Variants in GAREM1 observed in about 807,000 individuals in gnomAD.
GAREM1 encodes the protein GRB2 associated regulator of MAPK1 subtype 1, also known as GRB2-associated and regulator of MAPK protein 1.
In GAREM1, 26 loss-of-function variants were observed where a neutral mutation model predicts 71.3. That is an observed-to-expected ratio of 0.36 (90% CI 0.27 to 0.51). The LOEUF (loss-of-function observed/expected upper bound fraction) is 0.51. GAREM1 is among the 20% of genes least tolerant of loss of function. The probability of loss-of-function intolerance (pLI) is 0.95; values close to 1 mark genes in which losing one functional copy is unlikely to be tolerated. For missense variants in GAREM1, 1,026 were observed against 1,103.1 expected (o/e 0.93, Z 0.99); for synonymous variants, 440 against 433.2 (o/e 1.02, Z -0.20).
chr18:32,439,341 TA>T (rs1339565944), intron 1 of GAREM1, among the ~76,000 whole-genome samples: 1 of 152,128 alleles, frequency 6.6e-6, no homozygotes, highest in Non-Finnish European at 1.5e-5. Context: ...TAGGTGACAA[TA>T]AAAGCCTTGG....
intron 1 of GAREM1, among the ~76,000 whole-genome samples, chr18:32,463,116 T>C (rs2048967350): frequency 6.6e-6 from 1 of 152,102 alleles, no homozygotes; most frequent in Non-Finnish European, 1.5e-5. Context: ...TTTGAGGTGA[T>C]GGATATGCTA....
chr18:32,364,009 TATATATATATATATATA>T (rs2047896450), intron 2 of GAREM1, among the ~76,000 whole-genome samples: 4 of 50,534 alleles, frequency 7.9e-5, no homozygotes, highest in South Asian at 6.8e-4. Context: ...TATATATATA[TATATATATATATATATA>T]TGTTTTTTTT....
chr18:32,446,342 A>G (rs1274271680), intron 1 of GAREM1, among the ~76,000 whole-genome samples: 3 of 152,038 alleles, frequency 2.0e-5, no homozygotes, highest in African/African-American at 7.2e-5. Flanking sequence ...CACAGTGTTC[A>G]CTTTGTATTA....
chr18:32,444,051 A>G (rs2048765282), intron 1 of GAREM1, among the ~76,000 whole-genome samples: 1 of 152,152 alleles, frequency 6.6e-6, no homozygotes, highest in Non-Finnish European at 1.5e-5. Flanking sequence ...TTTACACAAA[A>G]TGTCCAATGT....
At chr18:32,342,323 G>A (rs1390883360) in intron 2 of GAREM1, among the ~76,000 whole-genome samples, 3 of 151,978 alleles carry the variant, frequency 2.0e-5, no homozygotes, top group African/African-American at 7.2e-5. Context: ...GAAATGACCC[G>A]CCCTCCTCCA....
chr18:32,393,030 A>C lies in GAREM1; in HGVS notation c.127T>G (p.Cys43Gly). ...TCATTTTCCCGCAGCCCTTCTACGC[A>C]CTCTCCTAGGAAATACAATTTTATA... ...PQIARLDNGE[C>G]VEGLRENDYL... The change falls in exon 2 of 6, where the codon TGC (cysteine) becomes GGC (glycine). Residue 43 changes from cysteine to glycine, a missense_variant. Physicochemically the swap from Cys to Gly is radical, Grantham distance 159 (BLOSUM62 -3). Coordinates refer to ENST00000269209, the MANE Select transcript of GAREM1 (RefSeq NM_001242409.2). 1 of 1,613,230 alleles carries C rather than the reference A, an allele frequency of 6.2e-7. No homozygotes were observed. Among genetic ancestry groups the C allele is most frequent in the Non-Finnish European group, 8.5e-7 (1 of 1,179,652 alleles).
chr18:32,392,767 C>A, intron 2 of GAREM1, 128 bp downstream of exon 2: 2 of 963,468 alleles, frequency 2.1e-6, no homozygotes, highest in Non-Finnish European at 3.0e-6. Flanking sequence ...GATCAATAAC[C>A]ACACACAAAT....
At chr18:32,395,958 G>C (rs1372032066) in intron 1 of GAREM1, among the ~76,000 whole-genome samples, 1 of 152,208 alleles carries the variant, frequency 6.6e-6, no homozygotes, top group Non-Finnish European at 1.5e-5. Context: ...ACCCCTCTGA[G>C]ACGAAGCTTC....
At chr18:32,345,765 T>G (rs544608757) in intron 2 of GAREM1, among the ~76,000 whole-genome samples, 2 of 152,312 alleles carry the variant, frequency 1.3e-5, no homozygotes, top group South Asian at 4.1e-4. Context: ...TGGGTGATAA[T>G]GGCACTGTTG....
intron 2 of GAREM1, among the ~76,000 whole-genome samples, chr18:32,385,028 C>G (rs1023924912): frequency 6.6e-6 from 1 of 152,150 alleles, no homozygotes; most frequent in Non-Finnish European, 1.5e-5. Context: ...ATTTCCTAGA[C>G]AGCAGACTAA....
intron 2 of GAREM1, among the ~76,000 whole-genome samples, chr18:32,325,209 G>A (rs951132963): frequency 1.3e-5 from 2 of 152,082 alleles, no homozygotes; most frequent in Admixed American, 6.6e-5. Context: ...CACCTGCCTC[G>A]GCCTCCCAAA....
intron 4 of GAREM1, among the ~76,000 whole-genome samples, chr18:32,278,073 T>C (rs973107188): frequency 6.6e-5 from 10 of 152,202 alleles, no homozygotes; most frequent in African/African-American, 2.4e-4. Flanking sequence ...ACTCCTCTGT[T>C]CTGTGGAGGA....
At chr18:32,380,391 G>A (rs2048083371) in intron 2 of GAREM1, among the ~76,000 whole-genome samples, 1 of 149,008 alleles carries the variant, frequency 6.7e-6, no homozygotes, top group South Asian at 2.1e-4. Flanking sequence ...TGGGATAATT[G>A]CTTGAACCAG....
chr18:32,456,340 G>A (rs1239773113), intron 1 of GAREM1, among the ~76,000 whole-genome samples: 1 of 152,018 alleles, frequency 6.6e-6, no homozygotes, highest in Non-Finnish European at 1.5e-5. Flanking sequence ...TATAAAAAGA[G>A]AGCCCTCAGA....
Position 32,263,590 on chromosome 18 carries a change from G to A in GAREM1, c.*4281C>T, listed in dbSNP as rs1021609010. The A allele has an allele frequency of 3.3e-5, 5 of 152,088 alleles. No individual in the cohort carries two copies. The highest frequency in any genetic ancestry group is 1.2e-4 in the African/African-American group (5 of 41,404). 9.4% of individuals were successfully genotyped at this position (152,088 alleles called of 1,614,324 possible). On this transcript the variant is annotated 3_prime_UTR_variant, in exon 6 of 6. Transcript: ENST00000269209. ...AAATCAACAGACAAGGAAATTTTTAGACATAACATACTGTGTTTATCTTGA... is the reference window on the plus strand; with the variant it reads ...AAATCAACAGACAAGGAAATTTTTAAACATAACATACTGTGTTTATCTTGA...
At chr18:32,362,533 AAGAG>A (rs1309754937) in intron 2 of GAREM1, among the ~76,000 whole-genome samples, 1 of 152,230 alleles carries the variant, frequency 6.6e-6, no homozygotes, top group African/African-American at 2.4e-5. Flanking sequence ...AATTACAGAA[AAGAG>A]AGAGAAGTTC....
In GAREM1 at chr18:32,457,226, AGT is replaced by A. The variant is rs566379367; in HGVS notation, c.121+13080_121+13081del. On this transcript the variant is annotated intron_variant, in intron 1 of 5. Coordinates refer to ENST00000269209, the MANE Select transcript of GAREM1 (RefSeq NM_001242409.2). ...GGGGGGGAGAGAGAGAGAGAGAGAG[AGT>A]GTGTGTGTGTGTGTGTGTGTGTGTG... Among the ~76,000 whole-genome samples, 697 of 81,892 alleles carry A rather than the reference AGT, an allele frequency of 8.5e-3. 2 individuals are homozygous for A. Among genetic ancestry groups the A allele is most frequent in the Non-Finnish European group, 9.2e-3 (380 of 41,258 alleles). The allele number at this position is 81,892 out of a possible 152,430, so 53.7% of individuals were successfully genotyped here.
At chr18:32,433,477 T>G (rs1462970276) in intron 1 of GAREM1, among the ~76,000 whole-genome samples, 1 of 151,632 alleles carries the variant, frequency 6.6e-6, no homozygotes, top group Non-Finnish European at 1.5e-5. Flanking sequence ...AAACATATAA[T>G]TAAAAACATA....
chr18:32,292,405 A>G (rs1351572656), intron 3 of GAREM1, among the ~76,000 whole-genome samples: 16 of 152,182 alleles, frequency 1.1e-4, no homozygotes, highest in Admixed American at 1.0e-3. Context: ...GCAAAATCCA[A>G]CTGTTTTTTA....
Sources: allele counts gnomAD v4.1 joint callset (sites outside exome capture counted in the v4.1 genomes callset), GRCh38; gene constraint gnomAD v4.1.1; transcripts MANE v1.5; gene names NCBI Gene and HGNC (gene_info 2026-07-23, HGNC 2026-07-21).